The following PDE7B variants were observed in gnomAD, a reference collection of about 807,000 sequenced individuals.
The protein encoded by PDE7B is phosphodiesterase 7B.
In PDE7B, 29 loss-of-function variants were observed where a neutral mutation model predicts 56.2. The observed-to-expected ratio is 0.52, with a 90% CI of 0.38 to 0.70. The LOEUF (loss-of-function observed/expected upper bound fraction) is 0.70, where lower values mean the gene tolerates loss of function less well. Among genes scored for constraint, PDE7B ranks in the 30% least tolerant of loss-of-function variants. PDE7B has a pLI of 0.00. For synonymous variants in PDE7B, 197 were observed against 196.9 expected (o/e 1.00, Z 0.00); for missense variants, 490 against 565.0 (o/e 0.87, Z 1.35).
At chr6:136,054,314 C>T (rs916992434) in intron 2 of PDE7B, among the ~76,000 whole-genome samples, 6 of 152,128 alleles carry the variant, frequency 3.9e-5, no homozygotes, top group South Asian at 4.1e-4. Flanking sequence ...AATAGGGAAT[C>T]GTTTCCCCAT....
At chr6:136,067,029 A>AT (rs1023761887) in intron 2 of PDE7B, among the ~76,000 whole-genome samples, 1 of 151,852 alleles carries the variant, frequency 6.6e-6, no homozygotes, top group Non-Finnish European at 1.5e-5. Context: ...CTAATTTAAT[A>AT]TTTTTTATAG....
chr6:136,000,075 C>T (rs995901070), intron 2 of PDE7B, among the ~76,000 whole-genome samples: 1 of 152,164 alleles, frequency 6.6e-6, no homozygotes, highest in Non-Finnish European at 1.5e-5. Flanking sequence ...CCTTTGCCTA[C>T]TTTTTAATGA....
chr6:135,865,615 TTGTGTGTG>T (rs3037648), intron 1 of PDE7B, among the ~76,000 whole-genome samples: 31 of 142,362 alleles, frequency 2.2e-4, no homozygotes, highest in Middle Eastern at 7.2e-3. Flanking sequence ...GCACTAGGCA[TTGTGTGTG>T]TGTGTGTGTG....
At chr6:136,191,032 T>TTTTTTA (rs1779214890) in intron 12 of PDE7B, among the ~76,000 whole-genome samples, 1 of 148,752 alleles carries the variant, frequency 6.7e-6, no homozygotes, top group African/African-American at 2.6e-5. Flanking sequence ...TTTTTTTTTT[T>TTTTTTA]TTTTTACTTA....
intron 8 of PDE7B, among the ~76,000 whole-genome samples, chr6:136,164,860 AT>A (rs1778767696): frequency 6.6e-6 from 1 of 152,146 alleles, no homozygotes; most frequent in Admixed American, 6.5e-5. Flanking sequence ...ATTCATGTGG[AT>A]TTTTTTCAAT....
chr6:135,901,913 C>T (rs889101982), intron 1 of PDE7B, among the ~76,000 whole-genome samples: 1 of 152,110 alleles, frequency 6.6e-6, no homozygotes, highest in African/African-American at 2.4e-5. Flanking sequence ...TGCCTACATT[C>T]TAATCCAGCC....
At chr6:136,083,478 A>C (rs1462634587) in intron 2 of PDE7B, among the ~76,000 whole-genome samples, 1 of 152,154 alleles carries the variant, frequency 6.6e-6, no homozygotes, top group Non-Finnish European at 1.5e-5. Context: ...TCTCAGAAAG[A>C]CGTAACAGAA....
intron 1 of PDE7B, among the ~76,000 whole-genome samples, chr6:135,853,715 A>G (rs1346999551): frequency 6.6e-6 from 1 of 151,720 alleles, no homozygotes; most frequent in Non-Finnish European, 1.5e-5. Context: ...TCAGCAAATT[A>G]GCTGGGAGAA....
intron 1 of PDE7B, among the ~76,000 whole-genome samples, chr6:135,897,659 G>T (rs142960316): frequency 3.0e-4 from 46 of 152,250 alleles, no homozygotes; most frequent in African/African-American, 1.0e-3. Context: ...AGCCTAAAAA[G>T]AAAAGTAGGT....
intron 2 of PDE7B, among the ~76,000 whole-genome samples, chr6:135,967,826 C>A (rs977835572): frequency 6.6e-6 from 1 of 152,178 alleles, no homozygotes; most frequent in Non-Finnish European, 1.5e-5. Context: ...GGCAAGAGCA[C>A]ATAATAGATA....
At chr6:136,183,872 G>A (rs1365799021) in intron 11 of PDE7B, among the ~76,000 whole-genome samples, 1 of 152,036 alleles carries the variant, frequency 6.6e-6, no homozygotes, top group East Asian at 1.9e-4. Context: ...TCAAGGTTGA[G>A]GACACAGGGG....
At chr6:136,135,508 T>A (rs907056229) in intron 3 of PDE7B, among the ~76,000 whole-genome samples, 1 of 152,026 alleles carries the variant, frequency 6.6e-6, no homozygotes, top group Non-Finnish European at 1.5e-5. Context: ...TCCACCCATG[T>A]GAGGAAATCT....
At chr6:136,185,109 A>G (rs1336142761) in intron 11 of PDE7B, among the ~76,000 whole-genome samples, 3 of 152,158 alleles carry the variant, frequency 2.0e-5, no homozygotes, top group African/African-American at 7.2e-5. Flanking sequence ...CTGCCCTCAG[A>G]AGGCTATGAT....
chr6:135,915,765 C>T (rs1014811849), intron 1 of PDE7B, among the ~76,000 whole-genome samples: 26 of 152,200 alleles, frequency 1.7e-4, no homozygotes, highest in African/African-American at 6.0e-4. Flanking sequence ...ATTAGTTTCA[C>T]CTGTTGAAGA....
intron 1 of PDE7B, among the ~76,000 whole-genome samples, chr6:135,871,820 G>A (rs1236653161): frequency 3.9e-5 from 6 of 152,130 alleles, no homozygotes; most frequent in Admixed American, 2.0e-4. Context: ...ATTCATGTGT[G>A]ACCATGTGGA....
At chr6:136,184,870 G>C (rs1424460024) in intron 11 of PDE7B, among the ~76,000 whole-genome samples, 1 of 152,146 alleles carries the variant, frequency 6.6e-6, no homozygotes, top group Non-Finnish European at 1.5e-5. Flanking sequence ...TCTTCTAAGA[G>C]GGAGAAACAG....
intron 2 of PDE7B, among the ~76,000 whole-genome samples, chr6:136,103,611 G>C (rs906389583): frequency 3.3e-5 from 5 of 152,190 alleles, no homozygotes; most frequent in African/African-American, 4.8e-5. Context: ...TTTCATGAGA[G>C]CTGCTTCTTT....
At chr6:135,883,036 C>A (rs1775638328) in intron 1 of PDE7B, among the ~76,000 whole-genome samples, 1 of 152,178 alleles carries the variant, frequency 6.6e-6, no homozygotes. Context: ...TTACTCCAGG[C>A]ATTCTTCAGG....
intron 2 of PDE7B, among the ~76,000 whole-genome samples, chr6:135,976,694 T>C (rs1244326979): frequency 6.6e-6 from 1 of 152,130 alleles, no homozygotes; most frequent in Non-Finnish European, 1.5e-5. Context: ...GTGATATCCC[T>C]TTGCTTAGAG....
Sources: allele counts gnomAD v4.1 joint callset (sites outside exome capture counted in the v4.1 genomes callset), GRCh38; gene constraint gnomAD v4.1.1; transcripts MANE v1.5; gene names NCBI Gene and HGNC (gene_info 2026-07-23, HGNC 2026-07-21).